Variants in ZNF568 observed in about 807,000 individuals in gnomAD.
The protein encoded by ZNF568 is p53 inhibitor of SCO2 activation.
A neutral mutation model predicts 18.1 loss-of-function variants in ZNF568; 11 were observed. The observed-to-expected ratio is 0.61, with a 90% CI of 0.38 to 1.00. ZNF568 has a LOEUF of 1.00. Ranked by LOEUF, ZNF568 falls within the 50% of genes least tolerant of loss-of-function variation. The pLI is 0.01. For missense variants in ZNF568, 639 were observed against 768.2 expected (o/e 0.83, Z 1.99); for synonymous variants, 213 against 246.6 (o/e 0.86, Z 1.28).
rs2074066512 is a variant in ZNF568, at chr19:36,951,973, A to G, written c.*885A>G. ...AAGGATTTAAATACTGGAATTTGAAAAGCCAAACTGTGAAACCATTGGGAG... is the reference window on the plus strand; with the variant it reads ...AAGGATTTAAATACTGGAATTTGAAGAGCCAAACTGTGAAACCATTGGGAG... On this transcript the variant is annotated 3_prime_UTR_variant, in exon 7 of 7. Coordinates refer to ENST00000333987, the MANE Select transcript of ZNF568 (RefSeq NM_198539.4). 1.0e-6 allele frequency: 1 copy of G among 983,894 alleles called. No individual in the cohort carries two copies. The highest frequency in any genetic ancestry group is 1.2e-6 in the Non-Finnish European group (1 of 829,726). 60.9% of individuals were successfully genotyped at this position (983,894 alleles called of 1,614,324 possible). A position where few individuals can be genotyped will look rare whatever the true frequency, so the allele number is the denominator to read the frequency against.
intron 7 of ZNF568, chr19:36,974,480 G>C (rs1472528933): frequency 6.5e-7 from 1 of 1,535,798 alleles, no homozygotes; most frequent in East Asian, 2.4e-5. Context: ...AGTTGCATTT[G>C]ACATTTTCTT....
chr19:36,994,043 T>C (rs1241646694), intron 4 of ZNF568, among the ~76,000 whole-genome samples: 1 of 151,604 alleles, frequency 6.6e-6, no homozygotes, highest in Non-Finnish European at 1.5e-5. Flanking sequence ...TTTTTTAATA[T>C]AGGTGTTTTT....
At chr19:36,925,936 G>A (rs1402218022) in intron 4 of ZNF568, among the ~76,000 whole-genome samples, 1 of 152,110 alleles carries the variant, frequency 6.6e-6, no homozygotes, top group Non-Finnish European at 1.5e-5. Context: ...ATTCTACATG[G>A]TTTCCTAGGG....
At chr19:36,961,819 G>T (rs2074152357) in intron 6 of ZNF568, among the ~76,000 whole-genome samples, 1 of 151,586 alleles carries the variant, frequency 6.6e-6, no homozygotes, top group Non-Finnish European at 1.5e-5. Flanking sequence ...CACTGACCTG[G>T]CTAAAGGTTA....
intron 2 of ZNF568, among the ~76,000 whole-genome samples, chr19:36,922,191 C>T (rs1600763318): frequency 6.6e-6 from 1 of 152,252 alleles, no homozygotes; most frequent in Non-Finnish European, 1.5e-5. Flanking sequence ...AAGTTGTCAG[C>T]CGGGCTGCAG....
At chr19:36,980,448 G>C (rs1341170745), downstream of ZNF568, 1 of 152,062 alleles carries the variant, frequency 6.6e-6, no homozygotes, top group Non-Finnish European at 1.5e-5. Context: ...CAAACTGCAA[G>C]GTCTGAGGGA....
intron 4 of ZNF568, among the ~76,000 whole-genome samples, chr19:36,932,870 C>T (rs1309702412): frequency 6.6e-6 from 1 of 152,060 alleles, no homozygotes; most frequent in Non-Finnish European, 1.5e-5. Flanking sequence ...CCTTTGCCCA[C>T]TTCTAATTGG....
At chr19:36,972,063 G>A (rs1275593159) in intron 6 of ZNF568, among the ~76,000 whole-genome samples, 1 of 151,964 alleles carries the variant, frequency 6.6e-6, no homozygotes, top group Non-Finnish European at 1.5e-5. Flanking sequence ...TTGATCTCTT[G>A]ACCTCGTGAT....
At position 36,950,071 on chromosome 19, in the gene ZNF568, T is replaced by G; in HGVS notation, c.918T>G (p.Tyr306Ter). ...HHRIHTGEKP[Y>*]ACKDCWKAFS... is the part of the protein sequence containing the mutation. ...GAATTCATACTGGGGAGAAACCTTA[T>G]GCATGTAAGGATTGTTGGAAAGCCT... is the stretch of plus-strand genomic sequence containing the variant. Residue 306 changes from tyrosine to a stop codon, truncating the protein, a stop_gained, in exon 7 of 7, where the codon TAT (tyrosine) becomes TAG (stop). Transcript: ENST00000333987. LOFTEE classifies it low-confidence loss of function (END_TRUNC). 1 of 1,613,848 alleles carries G rather than the reference T, an allele frequency of 6.2e-7. No individual in the cohort carries two copies. The highest frequency in any genetic ancestry group is 8.5e-7 in the Non-Finnish European group (1 of 1,179,896).
intron 2 of ZNF568, among the ~76,000 whole-genome samples, chr19:36,987,721 C>G (rs2074387926): frequency 6.6e-6 from 1 of 151,964 alleles, no homozygotes. Flanking sequence ...GAAGTTGTTT[C>G]TTCTGAGTCT....
intron 2 of ZNF568, among the ~76,000 whole-genome samples, chr19:36,987,870 G>A (rs1290093432): frequency 2.9e-5 from 4 of 137,638 alleles, no homozygotes; most frequent in African/African-American, 7.8e-5. Flanking sequence ...CAAAAGCAGG[G>A]ATGGGGTGAA....
chr19:36,929,836 G>A (rs1332667284), intron 4 of ZNF568, among the ~76,000 whole-genome samples: 1 of 151,686 alleles, frequency 6.6e-6, no homozygotes, highest in South Asian at 2.1e-4. Context: ...GTGACAGAGC[G>A]AGACCCAGTT....
chr19:36,938,332 A>G (rs1407168732), intron 6 of ZNF568, among the ~76,000 whole-genome samples: 2 of 152,222 alleles, frequency 1.3e-5, no homozygotes, highest in East Asian at 3.8e-4. Flanking sequence ...AAACACAAGC[A>G]AACCAATTGA....
At chr19:36,937,265 T>G in intron 6 of ZNF568, 23 bp downstream of exon 6, 19 of 1,593,522 alleles carry the variant, frequency 1.2e-5, no homozygotes, top group South Asian at 2.2e-5. Flanking sequence ...AAAGCAGCTC[T>G]GAATGAGAAA....
intron 4 of ZNF568, among the ~76,000 whole-genome samples, chr19:36,995,243 C>T (rs2074460044): frequency 6.6e-6 from 1 of 151,928 alleles, no homozygotes; most frequent in East Asian, 1.9e-4. Flanking sequence ...ATTAAAAATA[C>T]AAAAAATTAG....
downstream of ZNF568, chr19:36,997,559 A>C: frequency 6.3e-7 from 1 of 1,585,236 alleles, no homozygotes; most frequent in Non-Finnish European, 8.5e-7. Flanking sequence ...GAGTGTAAGG[A>C]GTGTGGGAAG....
At chr19:36,986,687 G>A (rs944616222) in intron 2 of ZNF568, among the ~76,000 whole-genome samples, 2 of 152,026 alleles carry the variant, frequency 1.3e-5, no homozygotes, top group African/African-American at 2.4e-5. Flanking sequence ...AGTTATCTGC[G>A]ACCCTGGTGC....
chr19:36,931,240 T>C (rs1232883143), intron 4 of ZNF568, among the ~76,000 whole-genome samples: 1 of 152,178 alleles, frequency 6.6e-6, no homozygotes, highest in Non-Finnish European at 1.5e-5. Flanking sequence ...AGGCCTTTGC[T>C]CACATCATGT....
At chr19:36,953,226 T>C (rs1376672194), downstream of ZNF568, among the ~76,000 whole-genome samples, 2 of 152,232 alleles carry the variant, frequency 1.3e-5, no homozygotes, top group African/African-American at 4.8e-5. Context: ...AGATTTTTCC[T>C]GGGAAAGTGA....
Sources: allele counts gnomAD v4.1 joint callset (sites outside exome capture counted in the v4.1 genomes callset), GRCh38; gene constraint gnomAD v4.1.1; transcripts MANE v1.5; gene names NCBI Gene and HGNC (gene_info 2026-07-23, HGNC 2026-07-21).